The following TBC1D14 variants were observed in gnomAD, a reference collection of about 807,000 sequenced individuals.
TBC1D14 encodes TBC1 domain family, member 14.
Under a neutral mutation model 79.0 loss-of-function variants are expected in TBC1D14, and 26 were observed. The ratio of observed to expected loss-of-function variants is 0.33; its 90% CI spans 0.24 to 0.46. The LOEUF (loss-of-function observed/expected upper bound fraction) is 0.46, where lower values mean the gene tolerates loss of function less well. TBC1D14 is among the 20% of genes least tolerant of loss of function. The pLI is 1.00. For missense variants in TBC1D14, 769 were observed against 887.6 expected (o/e 0.87, Z 1.70); for synonymous variants, 394 against 349.9 (o/e 1.13, Z -1.40).
intron 1 of TBC1D14, among the ~76,000 whole-genome samples, chr4:6,919,435 C>T (rs1318938958): frequency 6.6e-6 from 1 of 152,022 alleles, no homozygotes; most frequent in Non-Finnish European, 1.5e-5. Flanking sequence ...CGTGAGCCAC[C>T]ATGCTGGCCT....
At chr4:6,993,925 G>A (rs530181786) in intron 3 of TBC1D14, among the ~76,000 whole-genome samples, 3 of 152,252 alleles carry the variant, frequency 2.0e-5, no homozygotes, top group East Asian at 3.9e-4. Flanking sequence ...CAGGAGAATC[G>A]CTTGAACCGA....
At chr4:6,988,885 CTTT>C (rs34268749) in intron 3 of TBC1D14, among the ~76,000 whole-genome samples, 108 of 76,824 alleles carry the variant, frequency 1.4e-3, no homozygotes, top group African/African-American at 4.5e-3. Flanking sequence ...TTCTTTCTTT[CTTT>C]TTTTTTTTTT....
At chr4:6,924,486 A>G (rs116544420) in intron 2 of TBC1D14, among the ~76,000 whole-genome samples, 2,206 of 152,184 alleles carry the variant, frequency 0.014, 72 homozygotes, top group African/African-American at 0.05. Context: ...GCCAGTGAGT[A>G]ACTCTCATTT....
intron 3 of TBC1D14, chr4:6,987,442 C>T: frequency 8.3e-7 from 1 of 1,202,070 alleles, no homozygotes; most frequent in Non-Finnish European, 1.1e-6. Context: ...AGCCCTGCGG[C>T]CCCGCGCAGG....
chr4:7,009,953 G>A lies in TBC1D14; in HGVS notation c.1518+5G>A. 2 of 1,614,096 alleles carry A rather than the reference G, an allele frequency of 1.2e-6. No homozygotes were observed. The highest frequency in any genetic ancestry group is 1.7e-6 in the Non-Finnish European group (2 of 1,179,950). On this transcript the variant is annotated splice_donor_5th_base_variant and intron_variant, in intron 10 of 13. Coordinates refer to ENST00000409757, the MANE Select transcript of TBC1D14 (RefSeq NM_020773.3). ...TACCGGCCAGATGTGGGTTATGTAA[G>A]TGAAGTTTCTCAGTATTTTATAATG...
At chr4:6,911,551 CT>C (rs2108890583) in intron 1 of TBC1D14, among the ~76,000 whole-genome samples, 1 of 152,376 alleles carries the variant, frequency 6.6e-6, no homozygotes, top group South Asian at 2.1e-4. Flanking sequence ...GGCTTTGCCT[CT>C]CCTGGCTTCT....
At chr4:7,018,113 G>C (rs771748846) in intron 12 of TBC1D14, among the ~76,000 whole-genome samples, 1 of 152,148 alleles carries the variant, frequency 6.6e-6, no homozygotes, top group Non-Finnish European at 1.5e-5. Flanking sequence ...GTTTGCCTTC[G>C]GGGTCTTTGC....
intron 13 of TBC1D14, among the ~76,000 whole-genome samples, chr4:7,026,576 C>G (rs890742872): frequency 7.2e-5 from 11 of 152,166 alleles, no homozygotes; most frequent in African/African-American, 2.4e-5. Flanking sequence ...TTAGCCCTCT[C>G]TTGCTTGCCT....
intron 2 of TBC1D14, among the ~76,000 whole-genome samples, chr4:6,948,654 A>G (rs1044329923): frequency 6.7e-6 from 1 of 148,206 alleles, no homozygotes. Flanking sequence ...GAAAGGTGAT[A>G]TTGTCAGTTT....
At chr4:7,003,873 G>A (rs970217601) in intron 7 of TBC1D14, among the ~76,000 whole-genome samples, 3 of 152,108 alleles carry the variant, frequency 2.0e-5, no homozygotes, top group South Asian at 2.1e-4. Context: ...GTGCGGTGGC[G>A]TGCACCTGTA....
At chr4:6,987,122 C>G in intron 3 of TBC1D14, 1 of 1,190,226 alleles carries the variant, frequency 8.4e-7, no homozygotes, top group Non-Finnish European at 1.0e-6. Context: ...CAGCCCCGCC[C>G]CCTTGGGAGT....
intron 3 of TBC1D14, among the ~76,000 whole-genome samples, chr4:6,970,230 G>GAC (rs1716102083): frequency 6.6e-6 from 1 of 152,198 alleles, no homozygotes; most frequent in South Asian, 2.1e-4. Flanking sequence ...GGTGACATAA[G>GAC]AACTTGGACT....
intron 12 of TBC1D14, among the ~76,000 whole-genome samples, chr4:7,014,916 GT>G (rs1721131471): frequency 6.6e-6 from 1 of 152,366 alleles, no homozygotes; most frequent in East Asian, 1.9e-4. Flanking sequence ...AGACACGTGT[GT>G]CCATGGACAC....
chr4:6,983,928 T>C (rs183704312), intron 3 of TBC1D14, among the ~76,000 whole-genome samples: 14 of 152,320 alleles, frequency 9.2e-5, no homozygotes, highest in African/African-American at 3.4e-4. Flanking sequence ...TTCCGTTAGT[T>C]GGAGAGGGTA....
intron 2 of TBC1D14, among the ~76,000 whole-genome samples, chr4:6,941,107 T>A (rs944523778): frequency 1.3e-5 from 2 of 151,198 alleles, no homozygotes; most frequent in African/African-American, 4.9e-5. Context: ...TTGTTCTGAA[T>A]CCCACCTGGG....
chr4:6,948,713 T>G (rs1265832979), intron 2 of TBC1D14, among the ~76,000 whole-genome samples: 1 of 150,882 alleles, frequency 6.6e-6, no homozygotes, highest in Non-Finnish European at 1.5e-5. Context: ...CTTGGTTTTT[T>G]TTTTTTTTTT....
chr4:6,989,559 C>T (rs1422646387), intron 3 of TBC1D14, among the ~76,000 whole-genome samples: 1 of 152,158 alleles, frequency 6.6e-6, no homozygotes, highest in African/African-American at 2.4e-5. Context: ...TGTGGCTCGC[C>T]CCTCCTGGCA....
intron 2 of TBC1D14, among the ~76,000 whole-genome samples, chr4:6,925,091 G>A (rs570322064): frequency 2.0e-5 from 3 of 152,212 alleles, no homozygotes; most frequent in African/African-American, 7.2e-5. Context: ...TCCGGAGTTC[G>A]AGACCAGTCT....
intron 3 of TBC1D14, among the ~76,000 whole-genome samples, chr4:6,985,735 C>CTAAAAGT (rs1717762257): frequency 6.6e-6 from 1 of 152,234 alleles, no homozygotes; most frequent in African/African-American, 2.4e-5. Flanking sequence ...GGCAGCCATG[C>CTAAAAGT]TAAAAGTGCC....
Sources: gnomAD v4.1 joint callset for allele counts (sites outside exome capture counted in the v4.1 genomes callset) on GRCh38, gnomAD v4.1.1 for gene constraint, MANE v1.5 for transcripts, NCBI Gene and HGNC (gene_info 2026-07-23, HGNC 2026-07-21) for gene names.